Variants in CDC123 observed in about 807,000 individuals in gnomAD.
CDC123 encodes the protein cell division cycle 123.
CDC123 carries 37 observed loss-of-function variants against 54.4 expected under a neutral mutation model. That is an observed-to-expected ratio of 0.68 (90% confidence interval 0.52 to 0.89). The LOEUF is 0.89. Ranked by LOEUF, CDC123 falls within the 40% of genes least tolerant of loss-of-function variation. CDC123 has a pLI of 0.00. For missense variants in CDC123, 361 were observed against 412.1 expected (o/e 0.88, Z 1.07); for synonymous variants, 144 against 136.8 (o/e 1.05, Z -0.37).
chr10:12,198,960 T>G (rs1455644627), intron 2 of CDC123, 184 bp downstream of exon 2: 2 of 483,464 alleles, frequency 4.1e-6, no homozygotes, highest in Non-Finnish European at 7.3e-6. Context: ...TAAGTACTTT[T>G]CCCTCTAATA....
chr10:12,222,395 G>T (rs1036850156), intron 6 of CDC123, among the ~76,000 whole-genome samples: 1 of 152,166 alleles, frequency 6.6e-6, no homozygotes, highest in African/African-American at 2.4e-5. Context: ...TGAGGTGGGT[G>T]GATCACGAGG....
intron 9 of CDC123, among the ~76,000 whole-genome samples, chr10:12,237,800 G>A (rs1275980162): frequency 2.0e-5 from 3 of 152,120 alleles, no homozygotes; most frequent in African/African-American, 7.2e-5. Flanking sequence ...TCTTGTTTTA[G>A]ATGTTTGATT....
chr10:12,249,811 C>T (rs1836216465), intron 12 of CDC123, 93 bp downstream of exon 12: 8 of 1,457,718 alleles, frequency 5.5e-6, no homozygotes, highest in Admixed American at 5.3e-5. Flanking sequence ...TCCTGTATCA[C>T]CTAGACTTTG....
chr10:12,234,705 CAG>C (rs1564256639), intron 7 of CDC123, among the ~76,000 whole-genome samples: 1 of 150,594 alleles, frequency 6.6e-6, no homozygotes, highest in Non-Finnish European at 1.5e-5. Context: ...CTGTGGTTAT[CAG>C]AATAATAGAT....
rs963314290 is a variant in CDC123, at chr10:12,201,751, G to T, written c.146+2975G>T. On this transcript the variant is annotated intron_variant, in intron 2 of 12. Coordinates refer to ENST00000281141, the MANE Select transcript of CDC123 (RefSeq NM_006023.3). ...AGGGCTCTGAGCAAGAGAATGACTC[G>T]ATCAGATTTCAGTTTGCAGCTGTGG... 3.9e-5 allele frequency among the ~76,000 whole-genome samples: 6 copies of T among 152,164 alleles called. No individual in the cohort carries two copies. In the East Asian group the frequency reaches 1.2e-3, roughly 29 times the overall value.
intron 4 of CDC123, among the ~76,000 whole-genome samples, chr10:12,215,266 A>T (rs1835648611): frequency 6.6e-6 from 1 of 152,124 alleles, no homozygotes; most frequent in Non-Finnish European, 1.5e-5. Flanking sequence ...CACATCATTT[A>T]TTTTTCATTC....
At chr10:12,231,625 C>CAAAAAA (rs368800002) in intron 7 of CDC123, among the ~76,000 whole-genome samples, 1 of 77,276 alleles carries the variant, frequency 1.3e-5, no homozygotes, top group Admixed American at 1.6e-4. Flanking sequence ...AACTCCGTCT[C>CAAAAAA]AAAAAAAAAA....
At chr10:12,242,161 G>A (rs759849975) in intron 10 of CDC123, among the ~76,000 whole-genome samples, 12 of 152,194 alleles carry the variant, frequency 7.9e-5, no homozygotes, top group Non-Finnish European at 1.5e-4. Flanking sequence ...ACAGGCGGTC[G>A]TGGCGTGGCC....
intron 6 of CDC123, among the ~76,000 whole-genome samples, chr10:12,222,740 T>C (rs992922014): frequency 7.9e-5 from 12 of 152,138 alleles, no homozygotes; most frequent in Non-Finnish European, 1.6e-4. Flanking sequence ...GGAATTTGAT[T>C]TGTCTTAGTA....
chr10:12,234,904 A>G (rs1247895367), intron 7 of CDC123, 144 bp from the exon 8 acceptor site: 5 of 590,542 alleles, frequency 8.5e-6, no homozygotes, highest in Non-Finnish European at 1.5e-5. Flanking sequence ...ATGTGCCATC[A>G]TGCCCGGCCA....
intron 4 of CDC123, among the ~76,000 whole-genome samples, chr10:12,210,754 G>A (rs1319813000): frequency 6.6e-6 from 1 of 152,178 alleles, no homozygotes; most frequent in African/African-American, 2.4e-5. Flanking sequence ...AGGCAGGAGT[G>A]CAGTGGTGTG....
intron 4 of CDC123, among the ~76,000 whole-genome samples, chr10:12,211,414 G>A (rs1835599513): frequency 6.6e-6 from 1 of 152,108 alleles, no homozygotes; most frequent in Admixed American, 6.6e-5. Flanking sequence ...AAAAAGAAGT[G>A]GAGCTGCTCA....
chr10:12,224,608 A>C (rs550562852), intron 6 of CDC123, among the ~76,000 whole-genome samples: 82 of 152,328 alleles, frequency 5.4e-4, no homozygotes, highest in African/African-American at 2.0e-3. Flanking sequence ...AAGAATTTGA[A>C]CTTTGAATTC....
At chr10:12,223,439 C>A (rs1351425655) in intron 6 of CDC123, among the ~76,000 whole-genome samples, 1 of 152,132 alleles carries the variant, frequency 6.6e-6, no homozygotes, top group African/African-American at 2.4e-5. Context: ...GCGCACGCCA[C>A]CACGCCTGGA....
At chr10:12,234,837 T>C in intron 7 of CDC123, among the ~76,000 whole-genome samples, 1 of 149,178 alleles carries the variant, frequency 6.7e-6, no homozygotes, top group African/African-American at 2.5e-5. Context: ...CTCTGCAACC[T>C]CCACCTCCCG....
At chr10:12,200,839 A>G (rs886519768) in intron 2 of CDC123, among the ~76,000 whole-genome samples, 1 of 152,170 alleles carries the variant, frequency 6.6e-6, no homozygotes, top group Non-Finnish European at 1.5e-5. Context: ...AAGCCGAGGC[A>G]GGAGAATTAC....
At chr10:12,201,801 G>A (rs191156815) in intron 2 of CDC123, among the ~76,000 whole-genome samples, 10 of 152,268 alleles carry the variant, frequency 6.6e-5, no homozygotes, top group East Asian at 5.8e-4. Context: ...AATGGAAGAC[G>A]GGTTAGGAGG....
intron 6 of CDC123, among the ~76,000 whole-genome samples, chr10:12,228,024 C>T (rs1442825008): frequency 6.6e-6 from 1 of 152,122 alleles, no homozygotes; most frequent in Non-Finnish European, 1.5e-5. Flanking sequence ...CAGCCTCAAA[C>T]TCCGGAGCTC....
At chr10:12,204,145 T>C (rs942669281) in intron 2 of CDC123, among the ~76,000 whole-genome samples, 3 of 149,412 alleles carry the variant, frequency 2.0e-5, no homozygotes, top group Non-Finnish European at 4.4e-5. Flanking sequence ...GTATTTGGGG[T>C]TTAATTAATC....
Sources: gnomAD v4.1 joint callset for allele counts (sites outside exome capture counted in the v4.1 genomes callset) on GRCh38, gnomAD v4.1.1 for gene constraint, MANE v1.5 for transcripts, NCBI Gene and HGNC (gene_info 2026-07-23, HGNC 2026-07-21) for gene names.